The following MAP2K1 variants were observed in gnomAD, a reference collection of about 807,000 sequenced individuals.
The protein encoded by MAP2K1 is dual specificity mitogen-activated protein kinase kinase 1.
MAP2K1 carries 16 observed loss-of-function variants against 46.3 expected under a neutral mutation model. The ratio of observed to expected loss-of-function variants is 0.35; its 90% confidence interval spans 0.23 to 0.52. MAP2K1 has a LOEUF of 0.52. Among genes scored for constraint, MAP2K1 ranks in the 20% least tolerant of loss-of-function variants. The pLI, the probability that MAP2K1 is intolerant of heterozygous loss-of-function variation, is 0.94. For synonymous variants in MAP2K1, 183 were observed against 185.6 expected (o/e 0.99, Z 0.11); for missense variants, 263 against 497.1 (o/e 0.53, Z 4.48).
intron 1 of MAP2K1, among the ~76,000 whole-genome samples, chr15:66,412,667 A>G (rs542906710): frequency 1.3e-5 from 2 of 152,246 alleles, no homozygotes; most frequent in Admixed American, 1.3e-4. Context: ...AAATATTAAA[A>G]CAAATATTCT....
chr15:66,429,929 C>T (rs990497012), intron 1 of MAP2K1, among the ~76,000 whole-genome samples: 6 of 152,202 alleles, frequency 3.9e-5, no homozygotes, highest in African/African-American at 4.8e-5. Context: ...AACACGCCCC[C>T]GTTCTTATTC....
chr15:66,436,034 G>T lies in MAP2K1; in HGVS notation c.292-712G>T, dbSNP rs183055089. ...CTCCAGAGAGGTTGGGCTCTTCAAT[G>T]TTTTTTTGCACATGGTGTTCACTCC... On this transcript the variant is annotated intron_variant, in intron 2 of 10. Coordinates refer to ENST00000307102, the MANE Select transcript of MAP2K1 (RefSeq NM_002755.4). 8.1e-3 allele frequency among the ~76,000 whole-genome samples: 1,233 copies of T among 152,190 alleles called. 10 individuals carry two copies. Among genetic ancestry groups the T allele is most frequent in the Admixed American group, 0.013 (193 of 15,298 alleles).
intron 3 of MAP2K1, among the ~76,000 whole-genome samples, chr15:66,437,983 A>G (rs1176556580): frequency 7.0e-6 from 1 of 142,450 alleles, no homozygotes; most frequent in Non-Finnish European, 1.5e-5. Context: ...GCTTCCCCTC[A>G]GGGAGCTGTT....
At chr15:66,476,212 A>T (rs1174859248) in intron 5 of MAP2K1, among the ~76,000 whole-genome samples, 1 of 152,150 alleles carries the variant, frequency 6.6e-6, no homozygotes, top group Non-Finnish European at 1.5e-5. Flanking sequence ...TGGGTGGTTG[A>T]TGCTTCCTCC....
At chr15:66,466,490 C>G (rs1892470378) in intron 5 of MAP2K1, among the ~76,000 whole-genome samples, 1 of 151,948 alleles carries the variant, frequency 6.6e-6, no homozygotes, top group African/African-American at 2.4e-5. Flanking sequence ...ACCAGCCTGG[C>G]CAACATGGTG....
At chr15:66,424,342 G>C (rs1472985353) in intron 1 of MAP2K1, among the ~76,000 whole-genome samples, 1 of 152,222 alleles carries the variant, frequency 6.6e-6, no homozygotes, top group African/African-American at 2.4e-5. Flanking sequence ...ACAGGCATGA[G>C]CCACCGTGTC....
intron 1 of MAP2K1, among the ~76,000 whole-genome samples, chr15:66,433,520 AC>A (rs534159010): frequency 1.1e-3 from 165 of 151,972 alleles, no homozygotes; most frequent in African/African-American, 3.8e-3. Context: ...AAAATCAGTA[AC>A]CTCGGCCTTG....
intron 5 of MAP2K1, among the ~76,000 whole-genome samples, chr15:66,461,476 C>CTAAATAAATAAA (rs10641341): frequency 1.6e-3 from 220 of 140,180 alleles, no homozygotes; most frequent in South Asian, 2.7e-3. Flanking sequence ...GACTCTGTCT[C>CTAAATAAATAAA]TAAATAAATA....
intron 1 of MAP2K1, among the ~76,000 whole-genome samples, chr15:66,394,037 G>T (rs1477455209): frequency 6.6e-6 from 1 of 152,098 alleles, no homozygotes; most frequent in Admixed American, 6.5e-5. Flanking sequence ...TGATGGTTGG[G>T]GCTTTGCCTT....
chr15:66,472,497 C>T (rs184184663), intron 5 of MAP2K1, among the ~76,000 whole-genome samples: 3 of 152,166 alleles, frequency 2.0e-5, no homozygotes, highest in East Asian at 1.9e-4. Context: ...TGTTAGGGGT[C>T]GTGTGCCCAG....
intron 5 of MAP2K1, among the ~76,000 whole-genome samples, chr15:66,470,450 G>A (rs1438455398): frequency 6.6e-6 from 1 of 152,170 alleles, no homozygotes; most frequent in Non-Finnish European, 1.5e-5. Flanking sequence ...CCTGTTGGAA[G>A]CAAGCTCAAA....
chr15:66,434,985 C>A (rs774016143), intron 1 of MAP2K1, 42 bp from the exon 2 acceptor site: 43 of 1,288,900 alleles, frequency 3.3e-5, no homozygotes, highest in Non-Finnish European at 4.1e-5. Context: ...GGGTTGACTT[C>A]TCTGGTGACA....
At chr15:66,423,389 T>C (rs2140559592) in intron 1 of MAP2K1, among the ~76,000 whole-genome samples, 1 of 152,028 alleles carries the variant, frequency 6.6e-6, no homozygotes, top group Non-Finnish European at 1.5e-5. Context: ...TTGATAAGGT[T>C]GTTCCCCCCC....
chr15:66,435,559 C>T (rs1444745554), intron 2 of MAP2K1, among the ~76,000 whole-genome samples: 3 of 151,960 alleles, frequency 2.0e-5, no homozygotes, highest in Non-Finnish European at 4.4e-5. Context: ...AACTCCTGAC[C>T]TCAGGTGATA....
At chr15:66,431,535 C>T (rs780062279) in intron 1 of MAP2K1, among the ~76,000 whole-genome samples, 2 of 152,142 alleles carry the variant, frequency 1.3e-5, no homozygotes, top group Non-Finnish European at 2.9e-5. Context: ...GCCTCTCCTG[C>T]CTTTTCTCCA....
At chr15:66,428,167 A>G (rs2093464410) in intron 1 of MAP2K1, among the ~76,000 whole-genome samples, 1 of 152,060 alleles carries the variant, frequency 6.6e-6, no homozygotes, top group Non-Finnish European at 1.5e-5. Context: ...AACACACCAT[A>G]TAACCAGCCC....
chr15:66,394,196 C>T (rs2140519007), intron 1 of MAP2K1, among the ~76,000 whole-genome samples: 1 of 152,286 alleles, frequency 6.6e-6, no homozygotes, highest in South Asian at 2.1e-4. Flanking sequence ...TGCCGAATAA[C>T]CTTAGGAGGG....
chr15:66,413,996 C>G (rs902280774), intron 1 of MAP2K1, among the ~76,000 whole-genome samples: 5 of 145,464 alleles, frequency 3.4e-5, no homozygotes, highest in Admixed American at 7.2e-5. Flanking sequence ...TTTTGATATC[C>G]TCTGCATTCG....
chr15:66,388,280 C>T (rs1321815575), intron 1 of MAP2K1, among the ~76,000 whole-genome samples: 1 of 152,170 alleles, frequency 6.6e-6, no homozygotes, highest in Non-Finnish European at 1.5e-5. Flanking sequence ...CCACAACTCT[C>T]TTGGGTTCTA....
Sources: allele counts gnomAD v4.1 joint callset (sites outside exome capture counted in the v4.1 genomes callset), GRCh38; gene constraint gnomAD v4.1.1; transcripts MANE v1.5; gene names NCBI Gene and HGNC (gene_info 2026-07-23, HGNC 2026-07-21).